Variants in FBN1 observed in about 807,000 individuals in gnomAD.
The protein encoded by FBN1 is fibrillin-1.
FBN1 carries 29 observed loss-of-function variants against 365.1 expected under a neutral mutation model. That is an observed-to-expected ratio of 0.08 (90% CI 0.06 to 0.11). The LOEUF (loss-of-function observed/expected upper bound fraction) is 0.11. Among genes scored for constraint, FBN1 ranks in the 10% least tolerant of loss-of-function variants. The probability of loss-of-function intolerance (pLI) is 1.00; values close to 1 mark genes in which losing one functional copy is unlikely to be tolerated. For missense variants in FBN1, 2,476 were observed against 3,703.2 expected (o/e 0.67, Z 8.60); for synonymous variants, 1,210 against 1,270.5 (o/e 0.95, Z 1.01).
At chr15:48,523,385 C>A (rs1371771950) in intron 9 of FBN1, among the ~76,000 whole-genome samples, 1 of 152,158 alleles carries the variant, frequency 6.6e-6, no homozygotes, top group Non-Finnish European at 1.5e-5. Context: ...TATGTTAAAT[C>A]AATGGATCAC....
At chr15:48,582,269 CCTAAAATG>C (rs1156940129) in intron 6 of FBN1, among the ~76,000 whole-genome samples, 1 of 152,160 alleles carries the variant, frequency 6.6e-6, no homozygotes, top group Non-Finnish European at 1.5e-5. Context: ...AGGCATTAGA[CCTAAAATG>C]TTGAACAGAA....
rs765997493 is a variant in FBN1, at chr15:48,427,799, G to C, written c.6998-26C>G. 6 of 1,603,450 alleles carry C rather than the reference G, an allele frequency of 3.7e-6. No individual in the cohort carries two copies. The East Asian group carries it at 1.1e-4, about 30-fold the overall frequency. ...CTGGAAGGGACATTATATGGCAAAG[G>C]GGATGTCAGGAAATTTTAAGAGCAA... On this transcript the variant is annotated intron_variant, in intron 57 of 65. Coordinates refer to ENST00000316623, the MANE Select transcript of FBN1 (RefSeq NM_000138.5).
At chr15:48,577,019 T>C (rs1194872614) in intron 6 of FBN1, among the ~76,000 whole-genome samples, 3 of 152,200 alleles carry the variant, frequency 2.0e-5, no homozygotes, top group Admixed American at 1.3e-4. Flanking sequence ...TCCCTTCCAA[T>C]AGCAATTCTT....
chr15:48,578,912 C>T (rs1310327844), intron 6 of FBN1, among the ~76,000 whole-genome samples: 4 of 143,048 alleles, frequency 2.8e-5, no homozygotes, highest in Non-Finnish European at 6.1e-5. Context: ...TGCTAGATGA[C>T]GAGTTAGTGG....
chr15:48,526,283 A>G (rs1038817185), intron 8 of FBN1, 28 bp from the exon 9 acceptor site: 1 of 1,613,156 alleles, frequency 6.2e-7, no homozygotes, highest in Non-Finnish European at 8.5e-7. Context: ...GAATCTCAGC[A>G]TTTGTAGAAC....
At chr15:48,569,876 G>T (rs1188757148) in intron 6 of FBN1, among the ~76,000 whole-genome samples, 3 of 151,836 alleles carry the variant, frequency 2.0e-5, no homozygotes, top group Non-Finnish European at 4.4e-5. Context: ...TGTGGTAATG[G>T]TTGCATAACT....
Position 48,509,989 on chromosome 15 carries a change from CT to C in FBN1, c.1714+54del, listed in dbSNP as rs193922184. On this transcript the variant is annotated intron_variant, in intron 14 of 65. Coordinates refer to ENST00000316623, the MANE Select transcript of FBN1 (RefSeq NM_000138.5). ...CATTATTTGGTCTTGTTAAAGACCC[CT>C]GATATTGAAACTGCAATGGAAGGAG... The C allele has an allele frequency of 2.6e-4, 419 of 1,592,678 alleles. 2 individuals are homozygous for C. In the African/African-American group the frequency reaches 5.0e-3, roughly 19 times the overall value.
intron 17 of FBN1, among the ~76,000 whole-genome samples, chr15:48,503,082 G>A (rs997897047): frequency 6.6e-5 from 10 of 152,044 alleles, no homozygotes; most frequent in East Asian, 5.8e-4. Flanking sequence ...GGTGGATCAC[G>A]AGGTCAGGAG....
intron 6 of FBN1, among the ~76,000 whole-genome samples, chr15:48,573,080 G>A (rs1014493626): frequency 1.3e-5 from 2 of 152,134 alleles, no homozygotes; most frequent in East Asian, 3.8e-4. Context: ...CTCATGGGAG[G>A]CTTTGTCTGG....
chr15:48,611,808 G>A (rs1015871885), intron 3 of FBN1, among the ~76,000 whole-genome samples: 1 of 152,172 alleles, frequency 6.6e-6, no homozygotes, highest in Non-Finnish European at 1.5e-5. Flanking sequence ...ACTAGCACTT[G>A]GTCACTACTT....
chr15:48,567,998 T>TAAGAAAGAAAGAAAGAAAGA lies in FBN1; in HGVS notation c.538+28265_538+28284dup, dbSNP rs55984910. On this transcript the variant is annotated intron_variant, in intron 6 of 65. Coordinates refer to ENST00000316623, the MANE Select transcript of FBN1 (RefSeq NM_000138.5). Reference sequence around the variant, plus strand: ...AAGAAAAGAAATTAAAGTATACAGATAAGAAAGAAAGAAAGAAAGAAAGAA... The same window carrying TAAGAAAGAAAGAAAGAAAGA: ...AAGAAAAGAAATTAAAGTATACAGATAAGAAAGAAAGAAAGAAAGAAAGAAAGAAAGAAAGAAAGAAAGAA... Among the ~76,000 whole-genome samples, 378 of 56,512 alleles carry TAAGAAAGAAAGAAAGAAAGA rather than the reference T, an allele frequency of 6.7e-3. 5 individuals carry two copies. The highest frequency in any genetic ancestry group is 0.039 in the East Asian group (65 of 1,682). 37.1% of individuals were successfully genotyped at this position (56,512 alleles called of 152,430 possible).
chr15:48,514,908 G>A (rs1296114596), intron 12 of FBN1, among the ~76,000 whole-genome samples: 3 of 152,180 alleles, frequency 2.0e-5, no homozygotes, highest in Admixed American at 6.5e-5. Flanking sequence ...GCTAGCAAAG[G>A]AGAATTAAAG....
intron 31 of FBN1, among the ~76,000 whole-genome samples, 190 bp from the exon 32 acceptor site, chr15:48,481,970 A>G (rs915542142): frequency 3.9e-5 from 6 of 152,172 alleles, no homozygotes; most frequent in African/African-American, 1.4e-4. Flanking sequence ...CATTATTCAG[A>G]CTGGCTTTCA....
intron 15 of FBN1, 134 bp downstream of exon 15, chr15:48,508,448 C>A: frequency 9.5e-7 from 1 of 1,048,254 alleles, no homozygotes; most frequent in South Asian, 1.4e-5. Context: ...GAAGGAGTTT[C>A]AGTCAGGTTT....
intron 24 of FBN1, among the ~76,000 whole-genome samples, chr15:48,491,176 T>C (rs2043555010): frequency 6.6e-6 from 1 of 152,228 alleles, no homozygotes; most frequent in African/African-American, 2.4e-5. Context: ...AGACTCAGAA[T>C]AGCATTAACT....
rs755085498 is a variant in FBN1 at position 48,472,571 on chromosome 15, G to C, written c.4316C>G (p.Ala1439Gly). The C allele has an allele frequency of 9.9e-6, 16 of 1,613,616 alleles. No homozygotes were observed. In the African/African-American group the frequency reaches 1.6e-4, roughly 16 times the overall value. ...CECDMGFVPS[A>G]DGKACEDIDE... ...GTTACCTTCACAGGCTTTCCCGTCAGCACTGGGCACGAAGCCCATGTCGCA... is the reference window on the plus strand; with the variant it reads ...GTTACCTTCACAGGCTTTCCCGTCACCACTGGGCACGAAGCCCATGTCGCA... The change falls in exon 35 of 66, where the codon GCT becomes GGT. Residue 1439 changes from alanine to glycine, a missense_variant. Transcript: ENST00000316623.
intron 6 of FBN1, among the ~76,000 whole-genome samples, chr15:48,586,752 G>C (rs1409232234): frequency 1.3e-5 from 2 of 152,054 alleles, no homozygotes; most frequent in African/African-American, 2.4e-5. Context: ...TAGACATTTA[G>C]GCAAATATTT....
intron 12 of FBN1, 129 bp downstream of exon 12, chr15:48,515,258 A>T: frequency 1.0e-6 from 1 of 971,202 alleles, no homozygotes; most frequent in Non-Finnish European, 1.6e-6. Flanking sequence ...GCTGAAAGAT[A>T]ATTTAAATTT....
intron 58 of FBN1, 42 bp from the exon 59 acceptor site, chr15:48,425,906 T>C: frequency 2.0e-6 from 3 of 1,489,320 alleles, no homozygotes; most frequent in Non-Finnish European, 2.8e-6. Context: ...TATCATAAAA[T>C]TGACAACATT....
Sources: gnomAD v4.1 joint callset for allele counts (sites outside exome capture counted in the v4.1 genomes callset) on GRCh38, gnomAD v4.1.1 for gene constraint, MANE v1.5 for transcripts, NCBI Gene and HGNC (gene_info 2026-07-23, HGNC 2026-07-21) for gene names.